Variants in ELMO1 observed in about 807,000 individuals in gnomAD.
ELMO1 encodes the protein engulfment and cell motility 1, also known as engulfment and cell motility protein 1.
In ELMO1, 26 loss-of-function variants were observed where a neutral mutation model predicts 98.9. The observed-to-expected ratio is 0.26, with a 90% CI of 0.19 to 0.36. ELMO1 has a LOEUF of 0.36. Among genes scored for constraint, ELMO1 ranks in the 10% least tolerant of loss-of-function variants. ELMO1 has a pLI of 1.00. For synonymous variants in ELMO1, 346 were observed against 346.0 expected (o/e 1.00, Z 0.00); for missense variants, 627 against 935.2 (o/e 0.67, Z 4.30).
chr7:36,973,186 G>A (rs1324788501), intron 16 of ELMO1, among the ~76,000 whole-genome samples: 3 of 152,204 alleles, frequency 2.0e-5, no homozygotes, highest in East Asian at 3.8e-4. Flanking sequence ...AACCCAATCC[G>A]TGAAGCCAGA....
chr7:37,404,732 A>G (rs1179004910), intron 1 of ELMO1, among the ~76,000 whole-genome samples: 1 of 152,202 alleles, frequency 6.6e-6, no homozygotes, highest in Non-Finnish European at 1.5e-5. Flanking sequence ...CCCCAGTACC[A>G]AAAGTTTCCT....
intron 1 of ELMO1, among the ~76,000 whole-genome samples, chr7:37,411,620 TTG>T (rs1301560271): frequency 6.6e-6 from 1 of 152,192 alleles, no homozygotes; most frequent in African/African-American, 2.4e-5. Context: ...AATGGCATTT[TTG>T]TGTGTGTGCG....
At chr7:37,151,925 C>G (rs1788390968) in intron 13 of ELMO1, among the ~76,000 whole-genome samples, 1 of 152,114 alleles carries the variant, frequency 6.6e-6, no homozygotes, top group South Asian at 2.1e-4. Context: ...CCATGGAAAT[C>G]TGCCCACCTG....
At chr7:37,248,899 C>A (rs1472764355) in intron 6 of ELMO1, among the ~76,000 whole-genome samples, 6 of 152,208 alleles carry the variant, frequency 3.9e-5, no homozygotes, top group Non-Finnish European at 8.8e-5. Flanking sequence ...AGTTTCAAAA[C>A]AGAAATTCAT....
intron 16 of ELMO1, among the ~76,000 whole-genome samples, chr7:36,928,724 A>C (rs1785782148): frequency 1.3e-5 from 2 of 152,186 alleles, no homozygotes; most frequent in Admixed American, 1.3e-4. Flanking sequence ...TCTAAAGTGC[A>C]GTCAGTCATC....
chr7:37,144,402 A>T (rs891752300), intron 13 of ELMO1, among the ~76,000 whole-genome samples: 3 of 152,182 alleles, frequency 2.0e-5, no homozygotes, highest in African/African-American at 7.2e-5. Flanking sequence ...CTGTACTGTG[A>T]CAAAAATACT....
intron 18 of ELMO1, among the ~76,000 whole-genome samples, chr7:36,884,827 G>T (rs6968801): frequency 0.95 from 144,891 of 152,260 alleles, 69,038 homozygotes; most frequent in East Asian, 0.99. Context: ...GTTAACTACT[G>T]AAATTCACTC....
chr7:37,164,854 G>C (rs951747921), intron 13 of ELMO1, among the ~76,000 whole-genome samples: 50 of 150,688 alleles, frequency 3.3e-4, no homozygotes, highest in Admixed American at 2.5e-3. Context: ...CTTTAAAGTA[G>C]TTTTTTCCAA....
chr7:37,172,609 G>A (rs770826729), intron 13 of ELMO1, among the ~76,000 whole-genome samples: 2 of 152,284 alleles, frequency 1.3e-5, no homozygotes, highest in Admixed American at 6.5e-5. Flanking sequence ...ACTATCAGAA[G>A]GTACTAATAA....
At chr7:37,391,179 C>A (rs182853528) in intron 1 of ELMO1, among the ~76,000 whole-genome samples, 1 of 151,928 alleles carries the variant, frequency 6.6e-6, no homozygotes, top group African/African-American at 2.4e-5. Flanking sequence ...CGTGGTGGCT[C>A]GATCTCAGCT....
intron 16 of ELMO1, among the ~76,000 whole-genome samples, chr7:36,908,857 G>A (rs1784148372): frequency 6.6e-6 from 1 of 152,220 alleles, no homozygotes; most frequent in Admixed American, 6.5e-5. Flanking sequence ...AGAGGCAACA[G>A]AATGCTGACT....
intron 16 of ELMO1, among the ~76,000 whole-genome samples, chr7:36,989,923 A>C (rs1192775789): frequency 1.3e-5 from 2 of 152,198 alleles, no homozygotes; most frequent in Non-Finnish European, 2.9e-5. Flanking sequence ...CTCATTTTTA[A>C]GACAAAATTG....
chr7:37,148,255 A>G (rs535435522), intron 13 of ELMO1, among the ~76,000 whole-genome samples: 1 of 152,388 alleles, frequency 6.6e-6, no homozygotes, highest in African/African-American at 2.4e-5. Flanking sequence ...CTTCTATTTC[A>G]GAAGTGAGTT....
chr7:37,305,440 C>T (rs1471510139), intron 4 of ELMO1, among the ~76,000 whole-genome samples: 2 of 92,734 alleles, frequency 2.2e-5, no homozygotes, highest in Admixed American at 1.4e-4. Context: ...CAGCACAGTA[C>T]AGATAGTGTG....
intron 11 of ELMO1, among the ~76,000 whole-genome samples, chr7:37,215,513 C>G (rs1793228764): frequency 6.6e-6 from 1 of 152,172 alleles, no homozygotes; most frequent in South Asian, 2.1e-4. Flanking sequence ...GGCACCCACC[C>G]CCCACTCCTC....
intron 8 of ELMO1, 105 bp downstream of exon 8, chr7:37,232,986 TAATA>T: frequency 1.1e-6 from 1 of 945,928 alleles, no homozygotes; most frequent in South Asian, 1.8e-5. Flanking sequence ...ACCCATCTTT[TAATA>T]TAAAGAACTA....
At position 37,035,219 on chromosome 7, in the gene ELMO1, T is replaced by G. The variant is rs541237990; in HGVS notation, c.1301-21784A>C. Among the ~76,000 whole-genome samples the G allele has an allele frequency of 2.6e-5, 4 of 152,366 alleles. No individual in the cohort carries two copies. In the East Asian group the frequency reaches 7.7e-4, roughly 29 times the overall value. The stretch of plus-strand genomic sequence containing the variant: ...TCTGCTTCCTCTTGTTGGCAGAAGC[T>G]ATTTCTCCTATTAGCTAGACAATTT... On this transcript the variant is annotated intron_variant, in intron 15 of 21. Transcript: ENST00000310758.
At chr7:36,891,010 C>T (rs1805504237) in intron 17 of ELMO1, among the ~76,000 whole-genome samples, 1 of 150,308 alleles carries the variant, frequency 6.7e-6, no homozygotes, top group Non-Finnish European at 1.5e-5. Context: ...TCCCAAATAC[C>T]CACATGGCCT....
chr7:37,352,051 TGAATA>T (rs1801294059), intron 1 of ELMO1, among the ~76,000 whole-genome samples: 1 of 152,222 alleles, frequency 6.6e-6, no homozygotes, highest in African/African-American at 2.4e-5. Context: ...TGGAAAAAAC[TGAATA>T]GAATAATATC....
Sources: allele counts gnomAD v4.1 joint callset (sites outside exome capture counted in the v4.1 genomes callset), GRCh38; gene constraint gnomAD v4.1.1; transcripts MANE v1.5; gene names NCBI Gene and HGNC (gene_info 2026-07-23, HGNC 2026-07-21).